RAPGEF3: variants seen among roughly 807,000 people sequenced by gnomAD.
RAPGEF3 encodes the protein 9330170P05Rik.
RAPGEF3 carries 103 observed loss-of-function variants against 129.8 expected under a neutral mutation model. That is an observed-to-expected ratio of 0.79 (90% CI 0.68 to 0.93). The LOEUF is 0.93. Ranked by LOEUF, RAPGEF3 falls within the 40% of genes least tolerant of loss-of-function variation. The pLI, the probability that RAPGEF3 is intolerant of heterozygous loss-of-function variation, is 0.00. For missense variants in RAPGEF3, 1,117 were observed against 1,207.4 expected (o/e 0.93, Z 1.11); for synonymous variants, 436 against 482.6 (o/e 0.90, Z 1.26).
chr12:47,758,256 G>A lies in RAPGEF3; in HGVS notation c.7-178C>T, dbSNP rs1417036200. The A allele has an allele frequency of 1.7e-5, 24 of 1,432,820 alleles. No individual in the cohort carries two copies. In the Admixed American group the frequency reaches 6.5e-4, roughly 39 times the overall value. The allele number at this position is 1,432,820 out of a possible 1,614,324, so 88.8% of individuals were successfully genotyped here. ...AGGAAGACCTTCACTGGGGCCTGCC[G>A]GTCTGGCGCACTTAGGGGTCTCCAG... On this transcript the variant is annotated intron_variant, in intron 1 of 27. Coordinates refer to ENST00000449771, the MANE Select transcript of RAPGEF3 (RefSeq NM_001098531.4).
chr12:47,734,508 C>T lies in RAPGEF3; in HGVS notation c.*3059G>A, dbSNP rs1940741581. On this transcript the variant is annotated 3_prime_UTR_variant, in exon 28 of 28. Coordinates refer to ENST00000449771, the MANE Select transcript of RAPGEF3 (RefSeq NM_001098531.4). ...CACATCCAGTTACTTCACCTGTCTA[C>T]CCTGCTATTAAGCAGTTATGTGACC... 6.6e-6 allele frequency: 1 copy of T among 152,240 alleles called. No individual in the cohort carries two copies. The highest frequency in any genetic ancestry group is 2.1e-4 in the South Asian group (1 of 4,828). The allele number at this position is 152,240 out of a possible 1,614,324, so 9.4% of individuals were successfully genotyped here.
At chr12:47,742,677 C>A (rs1941229436) in intron 18 of RAPGEF3, among the ~76,000 whole-genome samples, 1 of 152,186 alleles carries the variant, frequency 6.6e-6, no homozygotes, top group South Asian at 2.1e-4. Context: ...CACACATTAG[C>A]TCACTTAGCC....
intron 2 of RAPGEF3, among the ~76,000 whole-genome samples, chr12:47,753,143 A>G (rs554815759): frequency 6.6e-6 from 1 of 152,338 alleles, no homozygotes; most frequent in Admixed American, 6.5e-5. Flanking sequence ...CATGTAAAAT[A>G]GGATCAGATG....
At chr12:47,737,824 G>T in intron 27 of RAPGEF3, 139 bp from the exon 28 acceptor site, 1 of 1,113,318 alleles carries the variant, frequency 9.0e-7, no homozygotes, top group East Asian at 2.5e-5. Flanking sequence ...TCCTAAAGAC[G>T]GCTGTCCCTG....
chr12:47,747,298 G>C (rs1159969366), intron 15 of RAPGEF3, among the ~76,000 whole-genome samples: 1 of 152,176 alleles, frequency 6.6e-6, no homozygotes, highest in African/African-American at 2.4e-5. Flanking sequence ...ATGCCCAATG[G>C]AGGAAGTGAG....
Position 47,739,174 on chromosome 12 carries a change from A to G in RAPGEF3, c.2430T>C (p.Pro810=). 6.2e-7 allele frequency: 1 copy of G among 1,607,928 alleles called. No individual in the cohort carries two copies. Among genetic ancestry groups the G allele is most frequent in the Non-Finnish European group, 8.5e-7 (1 of 1,177,476 alleles). ...GAAGAAGGGGCATGAAGGGGATGAC[A>G]GGAGGGGAGAGCTTGGCGAGGGCCA... ...YRLALAKLSP[P]VIPFMPLLLK... The change falls in exon 24 of 28, where the codon CCT becomes CCC. Residue 810 remains proline (P), a synonymous_variant. Coordinates refer to ENST00000449771, the MANE Select transcript of RAPGEF3 (RefSeq NM_001098531.4).
chr12:47,743,344 A>C (rs1005680729), intron 18 of RAPGEF3, among the ~76,000 whole-genome samples, 186 bp downstream of exon 18: 2 of 152,258 alleles, frequency 1.3e-5, no homozygotes, highest in African/African-American at 4.8e-5. Flanking sequence ...TCCAGAGCTC[A>C]TGCTCTTACA....
rs1941741422 is a variant in RAPGEF3 at position 47,751,479 on chromosome 12, G to T, written c.422C>A (p.Ala141Asp). The T allele has an allele frequency of 6.2e-7, 1 of 1,614,084 alleles. No individual in the cohort carries two copies. The highest frequency in any genetic ancestry group is 8.5e-7 in the Non-Finnish European group (1 of 1,180,034). The change falls in exon 5 of 28, where the codon GCC (alanine) becomes GAC (aspartate). Residue 141 changes from alanine to aspartate, a missense_variant. Physicochemically the swap from Ala to Asp is moderately radical, Grantham distance 126. Transcript: ENST00000449771. ...CCGGGAATGGACCCCAAGTCCCAGG[G>T]CCAAGATCCCATCCACCAGCTCCCG... ...SGRELVDGIL[A>D]LGLGVHSRSQ...
rs368030725 is a variant in RAPGEF3 at position 47,743,072 on chromosome 12, T to C, written c.1825+458A>G. Among the ~76,000 whole-genome samples, 131 of 152,352 alleles carry C rather than the reference T, an allele frequency of 8.6e-4. No homozygotes were observed. The South Asian group carries it at 0.026, about 30-fold the overall frequency. ...ATAAAAGTACCTGTATCTCATGAGA[T>C]TGTTATTAATTCATATTAAATGACT... On this transcript the variant is annotated intron_variant, in intron 18 of 27. Transcript: ENST00000449771.
rs140644990 is a variant in RAPGEF3 at position 47,751,951 on chromosome 12, C to G, written c.238G>C (p.Glu80Gln). 196 of 1,614,124 alleles carry G rather than the reference C, an allele frequency of 1.2e-4. No homozygotes were observed. In the African/African-American group the frequency reaches 2.1e-3, roughly 18 times the overall value. ...GLRWTPLTNS[E>Q]ESLDFSESLE... ...CTCTCGCTGAAATCCAGGGACTCCT[C>G]GCTGTTGGTGAGTGGTGTCTGGGGG... is the stretch of plus-strand genomic sequence containing the variant. The change falls in exon 3 of 28, where the codon GAG becomes CAG. Residue 80 changes from glutamate (E) to glutamine (Q), a missense_variant. Physicochemically the swap from Glu to Gln is conservative, Grantham distance 29. This residue lies in a region of RAPGEF3 where 367 missense variants were observed against 373.4 expected (regional missense o/e 0.98). Transcript: ENST00000449771.
At chr12:47,742,816 G>A (rs547664642) in intron 18 of RAPGEF3, among the ~76,000 whole-genome samples, 1 of 152,274 alleles carries the variant, frequency 6.6e-6, no homozygotes, top group African/African-American at 2.4e-5. Flanking sequence ...ATGCCTTCAC[G>A]GGTCTGGGAG....
In RAPGEF3 at chr12:47,748,435, G is replaced by A; in HGVS notation, c.1243+19C>T. 1.2e-6 allele frequency: 2 copies of A among 1,602,950 alleles called. No individual in the cohort carries two copies. The highest frequency in any genetic ancestry group is 3.3e-5 in the Admixed American group (2 of 59,842). ...CACCCAATGAGTCAGAAAGCAGGCA[G>A]GGTGTCTCTTGCCCTTACCTGTTGG... On this transcript the variant is annotated intron_variant, in intron 12 of 27. Coordinates refer to ENST00000449771, the MANE Select transcript of RAPGEF3 (RefSeq NM_001098531.4).
chr12:47,746,838 GA>G, intron 16 of RAPGEF3, 21 bp downstream of exon 16: 1 of 1,583,050 alleles, frequency 6.3e-7, no homozygotes, highest in Non-Finnish European at 8.6e-7. Flanking sequence ...GCAGAGGAAA[GA>G]AACTGGGGCC....
At position 47,748,484 on chromosome 12, in the gene RAPGEF3, C is replaced by T. The variant is rs751442901; in HGVS notation, c.1213G>A (p.Gly405Arg). 123 of 1,613,856 alleles carry T rather than the reference C, an allele frequency of 7.6e-5. 1 individual carries two copies. The South Asian group carries it at 1.3e-3, about 17-fold the overall frequency. ...GGGTCATGAGCACTGGAATCTGGTC[C>T]CATGGCCTCCAACAGAAGCTCTAGG... ...KILELLLEAM[G>R]PDSSAHDPTE... The change falls in exon 12 of 28, where the codon GGA (glycine) becomes AGA (arginine). Residue 405 changes from glycine (G) to arginine (R), a missense_variant. This residue lies in a region of RAPGEF3 where 107 missense variants were observed against 160.7 expected (regional missense o/e 0.67). Transcript: ENST00000449771.
Position 47,736,015 on chromosome 12 carries a change from C to T in RAPGEF3, c.*1552G>A, listed in dbSNP as rs1025049751. ...CCTCAACTGAGGCGAGGCTGCCCCC[C>T]TACCAGGCCTGGATAGCACAGGACT... On this transcript the variant is annotated 3_prime_UTR_variant, in exon 28 of 28. Transcript: ENST00000449771. 1 of 152,318 alleles carries T rather than the reference C, an allele frequency of 6.6e-6. No individual in the cohort carries two copies. Among genetic ancestry groups the T allele is most frequent in the Non-Finnish European group, 1.5e-5 (1 of 68,106 alleles). 9.4% of individuals were successfully genotyped at this position (152,318 alleles called of 1,614,324 possible).
intron 2 of RAPGEF3, among the ~76,000 whole-genome samples, chr12:47,753,487 G>C (rs1340239964): frequency 6.6e-6 from 1 of 152,252 alleles, no homozygotes; most frequent in African/African-American, 2.4e-5. Flanking sequence ...TGCCCAAGCA[G>C]AGGCCTGAGG....
At chr12:47,742,716 C>T (rs146564206) in intron 18 of RAPGEF3, among the ~76,000 whole-genome samples, 468 of 152,338 alleles carry the variant, frequency 3.1e-3, no homozygotes, top group Non-Finnish European at 5.2e-3. Flanking sequence ...GATACAATTA[C>T]AGTCCTCATC....
At chr12:47,741,245 T>C (rs1941147641) in intron 19 of RAPGEF3, 1 of 743,998 alleles carries the variant, frequency 1.3e-6, no homozygotes, top group South Asian at 1.9e-5. Flanking sequence ...TGGGCTCCTG[T>C]CTCCTGGGGA....
Position 47,758,068 on chromosome 12 carries a change from G to A in RAPGEF3, c.17C>T (p.Pro6Leu). The A allele has an allele frequency of 6.4e-7, 1 of 1,565,496 alleles. No individual in the cohort carries two copies. Among genetic ancestry groups the A allele is most frequent in the Non-Finnish European group, 8.7e-7 (1 of 1,154,854 alleles). MKVGW[P>L]GESCWQVGLA... ...GCCCACCTGCCAGCAGCTCTCACCT[G>A]GCCAGCCCACCTGTGACACGGGGAG... The change falls in exon 2 of 28, where the codon CCA becomes CTA. Residue 6 changes from proline (P) to leucine (L), a missense_variant. Pro to Leu is a moderately conservative substitution (Grantham distance 98, BLOSUM62 -3). Transcript: ENST00000449771.
Sources: gnomAD v4.1 joint callset for allele counts (sites outside exome capture counted in the v4.1 genomes callset) on GRCh38, gnomAD v4.1.1 for gene constraint, gnomAD v4.1.1 regional missense constraint, MANE v1.5 for transcripts, NCBI Gene and HGNC (gene_info 2026-07-23, HGNC 2026-07-21) for gene names.